TTC7A: variants seen among roughly 807,000 people sequenced by gnomAD.
The protein encoded by TTC7A is tetratricopeptide repeat protein 7A.
A neutral mutation model predicts 103.7 loss-of-function variants in TTC7A; 110 were observed. That is an observed-to-expected ratio of 1.06 (90% confidence interval 0.91 to 1.24). TTC7A has a LOEUF of 1.24. TTC7A is among the 50% of genes most tolerant of loss of function. The pLI is 0.00. For synonymous variants in TTC7A, 521 were observed against 467.9 expected (o/e 1.11, Z -1.47); for missense variants, 1,340 against 1,116.3 (o/e 1.20, Z -2.86).
intron 14 of TTC7A, among the ~76,000 whole-genome samples, chr2:47,028,216 G>A (rs1179361984): frequency 6.6e-6 from 1 of 152,182 alleles, no homozygotes; most frequent in Non-Finnish European, 1.5e-5. Context: ...GACCCATCCT[G>A]GCAAGGTGGC....
chr2:47,051,669 T>C (rs989739652), intron 17 of TTC7A, 77 bp from the exon 18 acceptor site: 4 of 1,510,052 alleles, frequency 2.6e-6, no homozygotes, highest in African/African-American at 1.4e-5. Context: ...CCCATGGTGC[T>C]GGGCAATGAC....
At chr2:47,027,735 G>A (rs955175894) in intron 14 of TTC7A, among the ~76,000 whole-genome samples, 9 of 152,300 alleles carry the variant, frequency 5.9e-5, no homozygotes, top group African/African-American at 1.9e-4. Context: ...GTGCAGGGGT[G>A]CCCAGCAGGG....
At chr2:46,991,871 T>A (rs1318469258) in intron 5 of TTC7A, among the ~76,000 whole-genome samples, 1 of 152,178 alleles carries the variant, frequency 6.6e-6, no homozygotes, top group Non-Finnish European at 1.5e-5. Context: ...ATCGTAACTC[T>A]GATCCTACCC....
At chr2:46,916,135 G>A, upstream of TTC7A, 1 of 985,530 alleles carries the variant, frequency 1.0e-6, no homozygotes, top group Non-Finnish European at 1.2e-6. Flanking sequence ...CCCCAAAGCT[G>A]GCTCCCAACT....
intron 6 of TTC7A, 106 bp downstream of exon 6, chr2:46,993,634 C>T: frequency 9.8e-7 from 1 of 1,023,068 alleles, no homozygotes; most frequent in Non-Finnish European, 1.5e-6. Context: ...CAGTAGGTCT[C>T]CTGCCTGCTT....
upstream of TTC7A, among the ~76,000 whole-genome samples, chr2:46,939,628 CTT>C (rs1232231892): frequency 2.6e-5 from 4 of 152,196 alleles, no homozygotes; most frequent in African/African-American, 9.7e-5. Context: ...GAAAGGAGGT[CTT>C]ATTTCTGCCA....
chr2:47,021,829 C>A, intron 11 of TTC7A, 33 bp from the exon 12 acceptor site: 2 of 1,579,646 alleles, frequency 1.3e-6, no homozygotes, highest in Non-Finnish European at 1.7e-6. Flanking sequence ...ACTCCAACCC[C>A]ACCTCCATGA....
intron 15 of TTC7A, among the ~76,000 whole-genome samples, chr2:47,033,245 A>G (rs907225891): frequency 1.3e-5 from 2 of 152,260 alleles, no homozygotes; most frequent in African/African-American, 4.8e-5. Context: ...TCACTGCAGC[A>G]AAATAACAAA....
chr2:46,936,289 A>G (rs1669973629), upstream of TTC7A, among the ~76,000 whole-genome samples: 1 of 152,176 alleles, frequency 6.6e-6, no homozygotes, highest in East Asian at 1.9e-4. Context: ...TTTGTTGTGC[A>G]TCTGTAAGAG....
intron 2 of TTC7A, among the ~76,000 whole-genome samples, chr2:46,952,883 C>T (rs1164866795): frequency 3.9e-5 from 6 of 152,170 alleles, no homozygotes; most frequent in South Asian, 2.1e-4. Flanking sequence ...CATATATACA[C>T]ACAGATATTT....
chr2:47,030,718 C>T lies in TTC7A; in HGVS notation c.1802+1334C>T, dbSNP rs567291241. Among the ~76,000 whole-genome samples, 18 of 152,264 alleles carry T rather than the reference C, an allele frequency of 1.2e-4. No homozygotes were observed. In the South Asian group the frequency reaches 3.3e-3, roughly 28 times the overall value. On this transcript the variant is annotated intron_variant, in intron 15 of 19. Transcript: ENST00000319190. ...CACTAACCCCTGCCCCGCCTGTTCCCCCTCCATCCTGGCCTAGGCAGGTCC... is the reference window on the plus strand; with the variant it reads ...CACTAACCCCTGCCCCGCCTGTTCCTCCTCCATCCTGGCCTAGGCAGGTCC...
At chr2:47,064,084 G>T (rs890942973) in intron 19 of TTC7A, among the ~76,000 whole-genome samples, 2 of 152,316 alleles carry the variant, frequency 1.3e-5, no homozygotes, top group South Asian at 4.1e-4. Flanking sequence ...CCCTGCTCTG[G>T]GTTCAGCTTA....
chr2:47,037,135 G>A (rs1032023287), intron 15 of TTC7A, among the ~76,000 whole-genome samples: 4 of 152,102 alleles, frequency 2.6e-5, no homozygotes, highest in Admixed American at 2.0e-4. Flanking sequence ...GGTCCACTTT[G>A]TCCCCGGAGC....
At chr2:46,969,323 G>A (rs1213547578) in intron 3 of TTC7A, among the ~76,000 whole-genome samples, 5 of 152,062 alleles carry the variant, frequency 3.3e-5, no homozygotes, top group South Asian at 2.1e-4. Context: ...CTAACATGGC[G>A]AAACCCCATC....
chr2:47,048,112 G>T (rs1361184160), intron 16 of TTC7A, among the ~76,000 whole-genome samples: 1 of 152,150 alleles, frequency 6.6e-6, no homozygotes, highest in African/African-American at 2.4e-5. Context: ...CTGGTCTCAT[G>T]TTCTAATTGC....
chr2:46,944,374 G>GTTTTTT lies in TTC7A; in HGVS notation c.184+2667_184+2672dup, dbSNP rs34191565. ...TTAAATAAGAACTCTGGTATTTTGG[G>GTTTTTT]TTTTTTTTTTTTTTTTTTTTTTTGA... On this transcript the variant is annotated intron_variant, in intron 1 of 19. Coordinates refer to ENST00000319190, the MANE Select transcript of TTC7A (RefSeq NM_020458.4). Among the ~76,000 whole-genome samples the GTTTTTT allele has an allele frequency of 9.9e-3, 882 of 88,946 alleles. 28 individuals carry two copies. The highest frequency in any genetic ancestry group is 0.027 in the African/African-American group (594 of 22,198). The allele number at this position is 88,946 out of a possible 152,430, so 58.4% of individuals were successfully genotyped here.
At chr2:46,953,893 T>C (rs963927742) in intron 2 of TTC7A, among the ~76,000 whole-genome samples, 5 of 151,178 alleles carry the variant, frequency 3.3e-5, no homozygotes, top group African/African-American at 4.9e-5. Flanking sequence ...AGATTCTGGG[T>C]TTCAAGCGAT....
At chr2:47,003,893 A>G (rs13425971) in intron 8 of TTC7A, among the ~76,000 whole-genome samples, 50,885 of 152,094 alleles carry the variant, frequency 0.33, 10,013 homozygotes, top group African/African-American at 0.55. Flanking sequence ...GGAGTGGGTC[A>G]GTACATCGCC....
intron 6 of TTC7A, among the ~76,000 whole-genome samples, chr2:46,993,825 T>C (rs1675880059): frequency 6.6e-6 from 1 of 152,192 alleles, no homozygotes; most frequent in Non-Finnish European, 1.5e-5. Flanking sequence ...CAAGGTGCTA[T>C]GCGAACTTTT....
Sources: allele counts gnomAD v4.1 joint callset (sites outside exome capture counted in the v4.1 genomes callset), GRCh38; gene constraint gnomAD v4.1.1; transcripts MANE v1.5; gene names NCBI Gene and HGNC (gene_info 2026-07-23, HGNC 2026-07-21).